Variants in MAT2B observed in about 807,000 individuals in gnomAD.
The protein encoded by MAT2B is methionine adenosyltransferase 2 subunit beta.
In MAT2B, 16 loss-of-function variants were observed where a neutral mutation model predicts 36.1. The observed-to-expected ratio is 0.44, with a 90% CI of 0.30 to 0.67. The LOEUF is 0.67. Among genes scored for constraint, MAT2B ranks in the 30% least tolerant of loss-of-function variants. MAT2B has a pLI of 0.09. For synonymous variants in MAT2B, 148 were observed against 136.9 expected (o/e 1.08, Z -0.57); for missense variants, 332 against 398.2 (o/e 0.83, Z 1.42).
chr5:163,508,720 C>T (rs1032891408), intron 1 of MAT2B, among the ~76,000 whole-genome samples: 34 of 151,756 alleles, frequency 2.2e-4, no homozygotes, highest in Middle Eastern at 3.4e-3. Context: ...TGGGTTCGAG[C>T]GATTCTCCTG....
chr5:163,510,627 C>G (rs2113554170), intron 1 of MAT2B, among the ~76,000 whole-genome samples: 1 of 152,122 alleles, frequency 6.6e-6, no homozygotes, highest in Non-Finnish European at 1.5e-5. Flanking sequence ...GAACTCCTGA[C>G]CTCAGGTGAT....
At chr5:163,517,336 G>C (rs1326650661) in intron 5 of MAT2B, 1 of 278,828 alleles carries the variant, frequency 3.6e-6, no homozygotes, top group African/African-American at 2.2e-5. Flanking sequence ...GCCTTTTTTT[G>C]ATTTTAAAAA....
intron 4 of MAT2B, among the ~76,000 whole-genome samples, chr5:163,515,623 T>C (rs1163908575): frequency 6.6e-6 from 1 of 152,096 alleles, no homozygotes; most frequent in Non-Finnish European, 1.5e-5. Context: ...TATTTTTTAA[T>C]CTAGCATCCA....
chr5:163,510,969 T>C (rs1258902547), intron 1 of MAT2B, among the ~76,000 whole-genome samples: 1 of 152,196 alleles, frequency 6.6e-6, no homozygotes, highest in Non-Finnish European at 1.5e-5. Context: ...AATCAGGCCT[T>C]AAAATAGGTA....
chr5:163,514,612 G>T (rs1316347982), intron 4 of MAT2B, among the ~76,000 whole-genome samples: 1 of 151,562 alleles, frequency 6.6e-6, no homozygotes, highest in African/African-American at 2.4e-5. Context: ...TTCACAACCT[G>T]TTTTTTTTCC....
At position 163,507,854 on chromosome 5, in the gene MAT2B, GTTACC is replaced by G. The variant is rs555360203; in HGVS notation, c.63+2109_63+2113del. The stretch of plus-strand genomic sequence containing the variant: ...GGAGTAATGCATATTCAGAGGAAAA[GTTACC>G]TTATTTAAGTAAACGAAACTATTCG... On this transcript the variant is annotated intron_variant, in intron 1 of 6. Transcript: ENST00000321757. Among the ~76,000 whole-genome samples, 24 of 152,320 alleles carry G rather than the reference GTTACC, an allele frequency of 1.6e-4. No individual in the cohort carries two copies. In the East Asian group the frequency reaches 4.1e-3, roughly 26 times the overall value.
intron 2 of MAT2B, chr5:163,513,306 A>T: frequency 2.9e-6 from 1 of 348,700 alleles, no homozygotes; most frequent in Non-Finnish European, 5.3e-6. Context: ...ACAGTTGTTG[A>T]CAGTTTTTTT....
chr5:163,513,716 G>T, intron 3 of MAT2B, 47 bp downstream of exon 3: 1 of 1,542,096 alleles, frequency 6.5e-7, no homozygotes. Flanking sequence ...AGTGATTGCT[G>T]AGTTTTTAGA....
upstream of MAT2B, chr5:163,503,536 G>T: frequency 1.0e-6 from 1 of 995,588 alleles, no homozygotes; most frequent in South Asian, 1.3e-5. Context: ...AATAGAAACG[G>T]GTGTCATTCA....
intron 5 of MAT2B, chr5:163,517,059 G>C (rs1307474661): frequency 5.4e-6 from 2 of 373,030 alleles, no homozygotes; most frequent in Admixed American, 8.3e-5. Flanking sequence ...TGAAAAAGTT[G>C]GTATTAAATA....
chr5:163,514,975 C>T (rs1760108918), intron 4 of MAT2B, among the ~76,000 whole-genome samples: 1 of 152,160 alleles, frequency 6.6e-6, no homozygotes, highest in South Asian at 2.1e-4. Flanking sequence ...AGGTGAGGGT[C>T]TTTCTGGTCC....
chr5:163,512,896 G>C (rs781051817), intron 2 of MAT2B: 1 of 288,910 alleles, frequency 3.5e-6, no homozygotes, highest in Non-Finnish European at 6.8e-6. Context: ...GGCCAGGCTG[G>C]TCTTGAACTC....
chr5:163,508,046 A>T (rs1359869029), intron 1 of MAT2B, among the ~76,000 whole-genome samples: 1 of 152,228 alleles, frequency 6.6e-6, no homozygotes, highest in Non-Finnish European at 1.5e-5. Context: ...GGCAGAACAG[A>T]TAAAACTTTA....
At chr5:163,511,845 C>T (rs1760052078) in intron 1 of MAT2B, among the ~76,000 whole-genome samples, 157 bp from the exon 2 acceptor site, 1 of 152,124 alleles carries the variant, frequency 6.6e-6, no homozygotes, top group African/African-American at 2.4e-5. Flanking sequence ...GAGCCTGATG[C>T]CCGACCCTAA....
intron 1 of MAT2B, among the ~76,000 whole-genome samples, chr5:163,509,583 T>C (rs566088450): frequency 8.1e-4 from 124 of 152,324 alleles, no homozygotes; most frequent in Non-Finnish European, 1.3e-3. Flanking sequence ...TTAGGAACTG[T>C]TACCTGTTCC....
intron 1 of MAT2B, among the ~76,000 whole-genome samples, chr5:163,511,037 A>G (rs17061784): frequency 0.078 from 11,930 of 152,208 alleles, 692 homozygotes; most frequent in African/African-American, 0.17. Context: ...GTATCTATAG[A>G]AGCAAGACAA....
chr5:163,505,589 TAGGGGAGGCGGGCCG>T (rs1759914618), upstream of MAT2B: 8 of 1,247,680 alleles, frequency 6.4e-6, no homozygotes, highest in Admixed American at 3.0e-4. Flanking sequence ...GTTCTGGGCC[TAGGGGAGGCGGGCCG>T]AGGGCGTCTG....
upstream of MAT2B, chr5:163,505,473 TG>T: frequency 8.3e-7 from 1 of 1,206,194 alleles, no homozygotes; most frequent in Non-Finnish European, 1.0e-6. Context: ...GCGCGTGGGC[TG>T]GGGGCAGACC....
rs551743639 is a variant in MAT2B, at chr5:163,507,381, A to G, written c.63+1632A>G. ...GATACGATAATAAGAATATTTATTT[A>G]TATGTACTTAATTTTTCAAGAAATG... On this transcript the variant is annotated intron_variant, in intron 1 of 6. Coordinates refer to ENST00000321757, the MANE Select transcript of MAT2B (RefSeq NM_013283.5). Among the ~76,000 whole-genome samples the G allele has an allele frequency of 3.9e-5, 6 of 152,308 alleles. No homozygotes were observed. In the South Asian group the frequency reaches 1.2e-3, roughly 32 times the overall value.
Sources: gnomAD v4.1 joint callset for allele counts (sites outside exome capture counted in the v4.1 genomes callset) on GRCh38, gnomAD v4.1.1 for gene constraint, MANE v1.5 for transcripts, NCBI Gene and HGNC (gene_info 2026-07-23, HGNC 2026-07-21) for gene names.